Variants in SCAP observed in about 807,000 individuals in gnomAD.
SCAP encodes the protein SREBF chaperone, also known as sterol regulatory element-binding protein cleavage-activating protein.
Under a neutral mutation model 123.6 loss-of-function variants are expected in SCAP, and 65 were observed. That is an observed-to-expected ratio of 0.53 (90% CI 0.43 to 0.65). SCAP has a LOEUF of 0.65. SCAP is among the 30% of genes least tolerant of loss of function. The probability of loss-of-function intolerance (pLI) is 0.00; values close to 1 mark genes in which losing one functional copy is unlikely to be tolerated. For synonymous variants in SCAP, 740 were observed against 726.3 expected (o/e 1.02, Z -0.30); for missense variants, 1,398 against 1,712.5 (o/e 0.82, Z 3.24).
chr3:47,437,422 CAA>C (rs35011639), intron 2 of SCAP, among the ~76,000 whole-genome samples: 19 of 63,184 alleles, frequency 3.0e-4, no homozygotes, highest in African/African-American at 4.9e-4. Context: ...AACTCAATCT[CAA>C]AAAAAAAAAA....
chr3:47,441,647 G>A (rs1307982066), intron 2 of SCAP, among the ~76,000 whole-genome samples: 1 of 152,066 alleles, frequency 6.6e-6, no homozygotes, highest in East Asian at 1.9e-4. Context: ...CTGAGCCAGA[G>A]TGAAACCAGG....
intron 2 of SCAP, among the ~76,000 whole-genome samples, chr3:47,440,653 G>A (rs1212489358): frequency 3.3e-5 from 5 of 152,150 alleles, no homozygotes; most frequent in Non-Finnish European, 5.9e-5. Context: ...AGGGGATCAC[G>A]AGCTCAGGAG....
chr3:47,435,235 G>C (rs1706522429), intron 2 of SCAP, 98 bp from the exon 3 acceptor site: 6 of 1,343,406 alleles, frequency 4.5e-6, no homozygotes, highest in Non-Finnish European at 6.0e-6. Flanking sequence ...ACTAAATTCT[G>C]TCAGGACTGT....
rs1707179036 is a variant in SCAP, at chr3:47,449,853, C to A, written c.-98-6762G>T. ...ATCTTTCTGGGGTTACTCCACTGAT[C>A]CATGCATTCTGTCCAGGGATTTCAG... On this transcript the variant is annotated intron_variant, in intron 1 of 22. Transcript: ENST00000265565. Among the ~76,000 whole-genome samples, 2 of 124,916 alleles carry A rather than the reference C, an allele frequency of 1.6e-5. 1 individual carries two copies. Among genetic ancestry groups the A allele is most frequent in the Admixed American group, 1.8e-4 (2 of 11,352 alleles). The allele number at this position is 124,916 out of a possible 152,430, so 81.9% of individuals were successfully genotyped here. A position where few individuals can be genotyped will look rare whatever the true frequency, so the allele number is the denominator to read the frequency against.
At chr3:47,462,870 T>G (rs997092485) in intron 1 of SCAP, among the ~76,000 whole-genome samples, 1 of 152,046 alleles carries the variant, frequency 6.6e-6, no homozygotes, top group Non-Finnish European at 1.5e-5. Context: ...CAGCCTCCCT[T>G]CCTGCTTCCC....
At chr3:47,473,969 AAG>A (rs1023851785) in intron 1 of SCAP, among the ~76,000 whole-genome samples, 10 of 152,348 alleles carry the variant, frequency 6.6e-5, no homozygotes, top group African/African-American at 2.2e-4. Context: ...AGCAAAAGAA[AAG>A]AGAGAGCATT....
At chr3:47,436,230 G>A (rs1346707185) in intron 2 of SCAP, among the ~76,000 whole-genome samples, 1 of 152,142 alleles carries the variant, frequency 6.6e-6, no homozygotes, top group African/African-American at 2.4e-5. Flanking sequence ...GACAGACCAT[G>A]AAAATTATGT....
intron 9 of SCAP, among the ~76,000 whole-genome samples, chr3:47,423,576 T>A (rs529227353): frequency 6.6e-6 from 1 of 152,314 alleles, no homozygotes; most frequent in South Asian, 2.1e-4. Context: ...CTATCTTTTG[T>A]AGACATGGGG....
At chr3:47,459,460 A>G (rs1159106507) in intron 1 of SCAP, among the ~76,000 whole-genome samples, 1 of 152,052 alleles carries the variant, frequency 6.6e-6, no homozygotes, top group Non-Finnish European at 1.5e-5. Flanking sequence ...GGTTCTTTCT[A>G]TTTTCCGTAA....
intron 1 of SCAP, among the ~76,000 whole-genome samples, chr3:47,452,115 T>C (rs753378863): frequency 2.6e-5 from 4 of 152,360 alleles, no homozygotes; most frequent in South Asian, 2.1e-4. Context: ...CTATTTCTTC[T>C]TTTTCAGTGC....
intron 2 of SCAP, among the ~76,000 whole-genome samples, chr3:47,437,422 CAAAA>C (rs35011639): frequency 3.2e-5 from 2 of 63,196 alleles, no homozygotes; most frequent in Non-Finnish European, 5.5e-5. Context: ...AACTCAATCT[CAAAA>C]AAAAAAAAAA....
At chr3:47,436,135 A>AACAATAAAAAACTTAGGC in intron 2 of SCAP, among the ~76,000 whole-genome samples, 1 of 152,218 alleles carries the variant, frequency 6.6e-6, no homozygotes, top group African/African-American at 2.4e-5. Flanking sequence ...GATATAAGGG[A>AACAATAAAAAACTTAGGC]ACAATAAAAA....
intron 1 of SCAP, among the ~76,000 whole-genome samples, chr3:47,452,841 AG>A (rs1707274721): frequency 6.6e-6 from 1 of 152,042 alleles, no homozygotes; most frequent in African/African-American, 2.4e-5. Context: ...TAATCCCAGC[AG>A]TTTGGGACAC....
At chr3:47,417,274 G>C in intron 17 of SCAP, 30 bp downstream of exon 17, 6 of 1,611,630 alleles carry the variant, frequency 3.7e-6, no homozygotes, top group Non-Finnish European at 5.1e-6. Flanking sequence ...GCGGACAGCC[G>C]CTCTGCCCAC....
chr3:47,418,897 G>T, intron 13 of SCAP, 54 bp from the exon 14 acceptor site: 1 of 1,443,012 alleles, frequency 6.9e-7, no homozygotes, highest in Middle Eastern at 2.0e-4. Flanking sequence ...GCTTCCTCCT[G>T]CTGTGCTCGC....
chr3:47,417,999 G>A (rs1189600875), intron 16 of SCAP, 135 bp downstream of exon 16: 9 of 563,236 alleles, frequency 1.6e-5, no homozygotes, highest in Admixed American at 1.2e-4. Flanking sequence ...GAGGGGGTGC[G>A]GGGGTGGGGG....
chr3:47,418,626 T>TTTCCC, intron 14 of SCAP, 29 bp downstream of exon 14: 1 of 1,459,570 alleles, frequency 6.9e-7, no homozygotes, highest in Non-Finnish European at 9.5e-7. Context: ...CCGCACTCTT[T>TTTCCC]CCCACCCCAC....
At chr3:47,414,767 C>T in intron 20 of SCAP, 60 bp downstream of exon 20, 5 of 1,601,804 alleles carry the variant, frequency 3.1e-6, no homozygotes, top group Non-Finnish European at 3.4e-6. Context: ...CTGACGAATG[C>T]ATCAGGCTCC....
chr3:47,417,838 G>A lies in SCAP; in HGVS notation c.2448-12C>T. ...CCCGGCGCTGCCTGCTGGGGGCCAG[G>A]AGGGCGGAGTGAGAGGGGGCACGGG... On this transcript the variant is annotated splice_polypyrimidine_tract_variant and intron_variant, in intron 16 of 22. Coordinates refer to ENST00000265565, the MANE Select transcript of SCAP (RefSeq NM_012235.4). 1 of 1,553,354 alleles carries A rather than the reference G, an allele frequency of 6.4e-7. No individual in the cohort carries two copies. Among genetic ancestry groups the A allele is most frequent in the Non-Finnish European group, 8.6e-7 (1 of 1,156,162 alleles).
Sources: gnomAD v4.1 joint callset for allele counts (sites outside exome capture counted in the v4.1 genomes callset) on GRCh38, gnomAD v4.1.1 for gene constraint, MANE v1.5 for transcripts, NCBI Gene and HGNC (gene_info 2026-07-23, HGNC 2026-07-21) for gene names.